Variants in ELP3 observed in about 807,000 individuals in gnomAD.
The protein encoded by ELP3 is elongator acetyltransferase complex subunit 3.
A neutral mutation model predicts 74.9 loss-of-function variants in ELP3; 56 were observed. The ratio of observed to expected loss-of-function variants is 0.75; its 90% CI spans 0.60 to 0.93. ELP3 has a LOEUF of 0.93. Ranked by LOEUF, ELP3 falls within the 40% of genes least tolerant of loss-of-function variation. The pLI is 0.00. For synonymous variants in ELP3, 222 were observed against 239.8 expected (o/e 0.93, Z 0.68); for missense variants, 573 against 686.5 (o/e 0.83, Z 1.85).
At chr8:28,187,625 A>T (rs1049899513) in intron 14 of ELP3, among the ~76,000 whole-genome samples, 1 of 152,056 alleles carries the variant, frequency 6.6e-6, no homozygotes, top group Non-Finnish European at 1.5e-5. Context: ...TGTCCCCCCC[A>T]TGTAGCCTCA....
chr8:28,113,508 C>T (rs1812003727), intron 7 of ELP3, among the ~76,000 whole-genome samples: 2 of 33,044 alleles, frequency 6.1e-5, no homozygotes, highest in South Asian at 1.9e-3. Flanking sequence ...ATTTTAGCTG[C>T]TGTAAAATCA....
At chr8:28,151,330 C>T (rs554838388) in intron 10 of ELP3, among the ~76,000 whole-genome samples, 1 of 152,262 alleles carries the variant, frequency 6.6e-6, no homozygotes, top group Admixed American at 6.5e-5. Flanking sequence ...TTACATTCCC[C>T]TCTGTCCTTA....
chr8:28,161,728 G>A (rs1814100203), intron 13 of ELP3, among the ~76,000 whole-genome samples: 1 of 152,152 alleles, frequency 6.6e-6, no homozygotes. Flanking sequence ...ATTTGAGAGG[G>A]AATTACTGTC....
At chr8:28,135,730 A>C (rs887383234) in intron 9 of ELP3, among the ~76,000 whole-genome samples, 2 of 152,046 alleles carry the variant, frequency 1.3e-5, no homozygotes, top group Non-Finnish European at 2.9e-5. Context: ...CATCCTGCCC[A>C]GTTCTTGGTA....
intron 3 of ELP3, 121 bp downstream of exon 3, chr8:28,100,087 T>G (rs1811416285): frequency 1.3e-5 from 16 of 1,252,554 alleles, no homozygotes; most frequent in Admixed American, 1.9e-5. Context: ...ATGAAGTCCC[T>G]GTATTAGGAT....
chr8:28,090,482 G>GGTGTGT (rs34145175), upstream of ELP3: 707 of 160,274 alleles, frequency 4.4e-3, 5 homozygotes, highest in African/African-American at 0.01. Flanking sequence ...CTGATGGGTG[G>GGTGTGT]GTGTGTGTGT....
At chr8:28,165,717 T>TA (rs1814279275) in intron 14 of ELP3, among the ~76,000 whole-genome samples, 1 of 152,212 alleles carries the variant, frequency 6.6e-6, no homozygotes, top group South Asian at 2.1e-4. Context: ...AACTTGGGTT[T>TA]ATGATCTTGG....
rs144402031 is a variant in ELP3, at chr8:28,178,562, G to A, written c.1568-11087G>A. ...GGATTCCATTATGCTGATAGTTCAC[G>A]ATTTATCCGTCTTAACTCTTGCTGG... On this transcript the variant is annotated intron_variant, in intron 14 of 14. Coordinates refer to ENST00000256398, the MANE Select transcript of ELP3 (RefSeq NM_018091.6). 1.7e-3 allele frequency among the ~76,000 whole-genome samples: 260 copies of A among 152,244 alleles called. 2 individuals are homozygous for A. Among genetic ancestry groups the A allele is most frequent in the Non-Finnish European group, 4.1e-4 (28 of 68,022 alleles).
intron 7 of ELP3, among the ~76,000 whole-genome samples, chr8:28,118,132 CTT>C (rs1812210933): frequency 6.6e-6 from 1 of 152,244 alleles, no homozygotes; most frequent in Admixed American, 6.5e-5. Context: ...TGTAAACTGA[CTT>C]TCATTAGCTT....
At position 28,160,404 on chromosome 8, in the gene ELP3, A is replaced by C; in HGVS notation, c.1433A>C (p.Tyr478Ser). 2.5e-6 allele frequency: 4 copies of C among 1,614,148 alleles called. No individual in the cohort carries two copies. The highest frequency in any genetic ancestry group is 3.4e-6 in the Non-Finnish European group (4 of 1,180,004). Reference sequence around the variant, plus strand: ...TCCATAGTACGAGAGCTGCATGTGTATGGGAGTGTGGTCCCTGTGAGCAGC... The same window carrying C: ...TCCATAGTACGAGAGCTGCATGTGTCTGGGAGTGTGGTCCCTGTGAGCAGC... ...GVSIVRELHV[Y>S]GSVVPVSSRD... Residue 478 changes from tyrosine to serine, a missense_variant, in exon 13 of 15, where the codon TAT becomes TCT. Transcript: ENST00000256398.
chr8:28,090,515 G>T, upstream of ELP3: 1 of 204,572 alleles, frequency 4.9e-6, no homozygotes, highest in Non-Finnish European at 1.0e-5. Context: ...GTGTGTGTGT[G>T]TATACACATA....
chr8:28,108,888 G>C (rs979999333), intron 5 of ELP3, among the ~76,000 whole-genome samples: 1 of 152,172 alleles, frequency 6.6e-6, no homozygotes, highest in African/African-American at 2.4e-5. Flanking sequence ...AGCTGTGGTC[G>C]TTAGGAAGGG....
At chr8:28,112,149 A>T (rs535921428) in intron 6 of ELP3, among the ~76,000 whole-genome samples, 41 of 147,788 alleles carry the variant, frequency 2.8e-4, no homozygotes, top group East Asian at 2.8e-3. Flanking sequence ...TATTATTATT[A>T]TTTTTTTTTT....
chr8:28,112,989 C>T (rs1373528794), intron 6 of ELP3, 30 bp from the exon 7 acceptor site: 3 of 1,599,386 alleles, frequency 1.9e-6, no homozygotes, highest in African/African-American at 2.7e-5. Context: ...ATGCTTATAT[C>T]ATTCTAATGC....
At position 28,177,129 on chromosome 8, in the gene ELP3, C is replaced by T. The variant is rs983500111; in HGVS notation, c.1568-12520C>T. Among the ~76,000 whole-genome samples, 11 of 152,266 alleles carry T rather than the reference C, an allele frequency of 7.2e-5. No individual in the cohort carries two copies. In the East Asian group the frequency reaches 7.7e-4, roughly 11 times the overall value. Reference sequence around the variant, plus strand: ...CTGGGTAGGAGACTCTCTTGAGGTACTCTGTATTTCCACAGTGATGGAGAA... The same window carrying T: ...CTGGGTAGGAGACTCTCTTGAGGTATTCTGTATTTCCACAGTGATGGAGAA... On this transcript the variant is annotated intron_variant, in intron 14 of 14. Coordinates refer to ENST00000256398, the MANE Select transcript of ELP3 (RefSeq NM_018091.6).
intron 3 of ELP3, among the ~76,000 whole-genome samples, chr8:28,101,344 C>T (rs967203604): frequency 2.6e-5 from 4 of 151,982 alleles, no homozygotes; most frequent in Non-Finnish European, 5.9e-5. Context: ...GGTGTGAACC[C>T]GGGAGGTGGA....
chr8:28,101,596 T>TC (rs1811490284), intron 3 of ELP3, among the ~76,000 whole-genome samples: 1 of 151,684 alleles, frequency 6.6e-6, no homozygotes. Context: ...CTTTCTTTTT[T>TC]TTTTTTTTTA....
chr8:28,139,761 A>G (rs920633487), intron 10 of ELP3, among the ~76,000 whole-genome samples: 1 of 152,176 alleles, frequency 6.6e-6, no homozygotes, highest in African/African-American at 2.4e-5. Flanking sequence ...CCTGGCCAAC[A>G]TGGTGAAACC....
At position 28,173,912 on chromosome 8, in the gene ELP3, T is replaced by C. The variant is rs2130587483; in HGVS notation, c.1567+11834T>C. Among the ~76,000 whole-genome samples, 2 of 152,158 alleles carry C rather than the reference T, an allele frequency of 1.3e-5. 1 individual carries two copies. ...TTCTGCATACTTATGAGTTTTCCAG[T>C]TTCCATCTGTTATTCTAGTTTCATT... On this transcript the variant is annotated intron_variant, in intron 14 of 14. Coordinates refer to ENST00000256398, the MANE Select transcript of ELP3 (RefSeq NM_018091.6).
Sources: gnomAD v4.1 joint callset for allele counts (sites outside exome capture counted in the v4.1 genomes callset) on GRCh38, gnomAD v4.1.1 for gene constraint, MANE v1.5 for transcripts, NCBI Gene and HGNC (gene_info 2026-07-23, HGNC 2026-07-21) for gene names.